MSI2: variants seen among roughly 807,000 people sequenced by gnomAD.
MSI2 encodes the protein RNA-binding protein Musashi homolog 2.
MSI2 carries 17 observed loss-of-function variants against 45.6 expected under a neutral mutation model. The ratio of observed to expected loss-of-function variants is 0.37; its 90% CI spans 0.26 to 0.56. The LOEUF (loss-of-function observed/expected upper bound fraction) is 0.56, where lower values mean the gene tolerates loss of function less well. MSI2 is among the 20% of genes least tolerant of loss of function. The pLI, the probability that MSI2 is intolerant of heterozygous loss-of-function variation, is 0.77. For synonymous variants in MSI2, 156 were observed against 158.2 expected (o/e 0.99, Z 0.11); for missense variants, 293 against 444.2 (o/e 0.66, Z 3.06).
intron 6 of MSI2, among the ~76,000 whole-genome samples, chr17:57,496,147 T>G (rs2085974877): frequency 6.6e-6 from 1 of 152,280 alleles, no homozygotes; most frequent in Non-Finnish European, 1.5e-5. Flanking sequence ...CTTGTGTCAT[T>G]TCGGCATAAT....
At chr17:57,645,982 G>A (rs1041461717) in intron 10 of MSI2, among the ~76,000 whole-genome samples, 1 of 152,150 alleles carries the variant, frequency 6.6e-6, no homozygotes, top group Admixed American at 6.5e-5. Context: ...GTGGAGGATC[G>A]TGGGACTAGG....
chr17:57,645,938 C>A (rs1297871596), intron 10 of MSI2, among the ~76,000 whole-genome samples: 2 of 152,176 alleles, frequency 1.3e-5, no homozygotes, highest in Non-Finnish European at 2.9e-5. Flanking sequence ...TGCCCCTGGA[C>A]CCCTCCAGGG....
chr17:57,371,021 T>C (rs150012959), intron 5 of MSI2, among the ~76,000 whole-genome samples: 7 of 152,388 alleles, frequency 4.6e-5, no homozygotes, highest in Admixed American at 2.6e-4. Flanking sequence ...CGCTCTTTTA[T>C]ATATGACGCA....
At chr17:57,614,652 A>G (rs555047907) in intron 8 of MSI2, among the ~76,000 whole-genome samples, 2 of 152,322 alleles carry the variant, frequency 1.3e-5, no homozygotes, top group East Asian at 3.9e-4. Flanking sequence ...TTACCCTGCA[A>G]CATCCCATCT....
At chr17:57,672,981 T>C (rs1912924253) in intron 11 of MSI2, among the ~76,000 whole-genome samples, 1 of 152,230 alleles carries the variant, frequency 6.6e-6, no homozygotes, top group African/African-American at 2.4e-5. Context: ...CTATAATTTA[T>C]TTTTTTCTTT....
At chr17:57,257,011 C>G (rs370360535) in intron 1 of MSI2, 87 bp from the exon 2 acceptor site, 20 of 1,604,694 alleles carry the variant, frequency 1.2e-5, no homozygotes, top group African/African-American at 5.5e-5. Flanking sequence ...TCGCTCCCCC[C>G]CGCTTTCCTT....
intron 6 of MSI2, among the ~76,000 whole-genome samples, chr17:57,436,766 A>G (rs138613620): frequency 6.6e-6 from 1 of 152,292 alleles, no homozygotes; most frequent in Non-Finnish European, 1.5e-5. Flanking sequence ...TAATATCATA[A>G]AAGTTTTAGA....
intron 5 of MSI2, among the ~76,000 whole-genome samples, chr17:57,380,268 C>T (rs924777693): frequency 1.3e-5 from 2 of 152,168 alleles, no homozygotes; most frequent in Non-Finnish European, 2.9e-5. Flanking sequence ...CCCTGTTCTA[C>T]GTCTGGAATT....
rs148052206 is a variant in MSI2 at position 57,469,442 on chromosome 17, A to G, written c.406-60234A>G. ...ACCAAGCAAACAGTCAATTTTTTCCATTACACTTAGACACAGATGATGAGG... is the reference window on the plus strand; with the variant it reads ...ACCAAGCAAACAGTCAATTTTTTCCGTTACACTTAGACACAGATGATGAGG... On this transcript the variant is annotated intron_variant, in intron 6 of 13. Coordinates refer to ENST00000284073, the MANE Select transcript of MSI2 (RefSeq NM_138962.4). Among the ~76,000 whole-genome samples, 742 of 152,256 alleles carry G rather than the reference A, an allele frequency of 4.9e-3. 4 individuals carry two copies. Among genetic ancestry groups the G allele is most frequent in the Non-Finnish European group, 6.7e-3 (457 of 68,014 alleles).
At chr17:57,283,672 A>G (rs1297025773) in intron 5 of MSI2, among the ~76,000 whole-genome samples, 1 of 152,264 alleles carries the variant, frequency 6.6e-6, no homozygotes, top group Non-Finnish European at 1.5e-5. Flanking sequence ...TTTAGGCCCT[A>G]GGAAAGCATG....
chr17:57,314,558 A>G (rs1296561293), intron 5 of MSI2, among the ~76,000 whole-genome samples: 1 of 135,628 alleles, frequency 7.4e-6, no homozygotes, highest in Admixed American at 8.0e-5. Context: ...TCAGTCAGGC[A>G]CCTGGATTTT....
At chr17:57,507,225 C>CTGTGTGTG (rs71140002) in intron 6 of MSI2, among the ~76,000 whole-genome samples, 64 of 51,224 alleles carry the variant, frequency 1.2e-3, no homozygotes, top group Middle Eastern at 0.011. Context: ...CTTTGTCTCT[C>CTGTGTGTG]TGTGTGTGTG....
chr17:57,450,391 A>G (rs2084993254), intron 6 of MSI2: 1 of 133,216 alleles, frequency 7.5e-6, no homozygotes, highest in Admixed American at 7.2e-5. Context: ...AACCTCATAG[A>G]AAAGGCAAAA....
At chr17:57,500,760 C>T (rs2086086652) in intron 6 of MSI2, among the ~76,000 whole-genome samples, 1 of 144,190 alleles carries the variant, frequency 6.9e-6, no homozygotes, top group African/African-American at 2.6e-5. Context: ...ATTGCTTGAG[C>T]TCAGGAGTTC....
At chr17:57,518,862 G>A (rs983506234) in intron 6 of MSI2, among the ~76,000 whole-genome samples, 3 of 152,240 alleles carry the variant, frequency 2.0e-5, no homozygotes, top group Non-Finnish European at 2.9e-5. Context: ...AGGCCGTTAG[G>A]CCAGATGCCA....
intron 5 of MSI2, among the ~76,000 whole-genome samples, chr17:57,336,600 G>T (rs942204930): frequency 3.3e-5 from 5 of 152,128 alleles, no homozygotes; most frequent in Admixed American, 2.0e-4. Context: ...CATAATGCTT[G>T]TGAAATCTGA....
At chr17:57,320,690 T>G (rs1444850717) in intron 5 of MSI2, among the ~76,000 whole-genome samples, 1 of 152,144 alleles carries the variant, frequency 6.6e-6, no homozygotes, top group Non-Finnish European at 1.5e-5. Context: ...CTTGCTTTCT[T>G]GTTGAAATAG....
chr17:57,326,087 C>T (rs1351976216), intron 5 of MSI2, among the ~76,000 whole-genome samples: 1 of 152,146 alleles, frequency 6.6e-6, no homozygotes, highest in Non-Finnish European at 1.5e-5. Flanking sequence ...TTTCCCGTCA[C>T]CCCCATTAGG....
chr17:57,555,325 G>A (rs1167604420), intron 7 of MSI2, among the ~76,000 whole-genome samples: 1 of 152,212 alleles, frequency 6.6e-6, no homozygotes, highest in Non-Finnish European at 1.5e-5. Flanking sequence ...CTCCAGGCCT[G>A]TGACCCATTT....
Sources: allele counts gnomAD v4.1 joint callset (sites outside exome capture counted in the v4.1 genomes callset), GRCh38; gene constraint gnomAD v4.1.1; transcripts MANE v1.5; gene names NCBI Gene and HGNC (gene_info 2026-07-23, HGNC 2026-07-21).